THY1: variants seen among roughly 807,000 people sequenced by gnomAD.
The protein encoded by THY1 is thy-1 membrane glycoprotein.
A neutral mutation model predicts 14.9 loss-of-function variants in THY1; 10 were observed. That is an observed-to-expected ratio of 0.67 (90% CI 0.41 to 1.14). The LOEUF is 1.14. Among genes scored for constraint, THY1 ranks in the 50% most tolerant of loss-of-function variants. The pLI, the probability that THY1 is intolerant of heterozygous loss-of-function variation, is 0.00. For missense variants in THY1, 159 were observed against 202.1 expected (o/e 0.79, Z 1.29); for synonymous variants, 80 against 90.0 (o/e 0.89, Z 0.63).
Position 119,422,685 on chromosome 11 carries a change from C to G in THY1, c.-25+428G>C, listed in dbSNP as rs1357442389. On this transcript the variant is annotated intron_variant, in intron 1 of 3. Coordinates refer to ENST00000284240, the MANE Select transcript of THY1 (RefSeq NM_006288.5). The surrounding 1 kb of genome is among the most constrained non-coding windows in gnomAD (Gnocchi z 7.0). ...TCTCCTCCGGTGCCCCGCACCCAGC[C>G]CGCCGCGAGGTCACCCGGCAGATTC... 1 of 230,310 alleles carries G rather than the reference C, an allele frequency of 4.3e-6. No individual in the cohort carries two copies. The highest frequency in any genetic ancestry group is 8.6e-6 in the Non-Finnish European group (1 of 115,962). The allele number at this position is 230,310 out of a possible 1,614,324, so 14.3% of individuals were successfully genotyped here. A position where few individuals can be genotyped will look rare whatever the true frequency, so the allele number is the denominator to read the frequency against.
At position 119,415,638 on chromosome 11, in the gene THY1, T is replaced by C. The variant is rs1565324646; in HGVS notation, c.*3770A>G. Among the ~76,000 whole-genome samples the C allele has an allele frequency of 6.6e-6, 1 of 152,192 alleles. No homozygotes were observed. Among genetic ancestry groups the C allele is most frequent in the Non-Finnish European group, 1.5e-5 (1 of 68,044 alleles). The stretch of plus-strand genomic sequence containing the variant: ...ACTTGGCCTCCATGAAGCTGCCACA[T>C]TGGTCCTACCCACCCTCCATATGAT... On this transcript the variant is annotated 3_prime_UTR_variant, in exon 4 of 4. Transcript: ENST00000284240.
At position 119,417,946 on chromosome 11, in the gene THY1, C is replaced by G. The variant is rs1039062396; in HGVS notation, c.*1462G>C. ...AGCATGTTGTTCCAGCCAGGTGAGTCAGCAGACATGGGATGTTCGTTTATT... is the reference window on the plus strand; with the variant it reads ...AGCATGTTGTTCCAGCCAGGTGAGTGAGCAGACATGGGATGTTCGTTTATT... On this transcript the variant is annotated 3_prime_UTR_variant, in exon 4 of 4. Coordinates refer to ENST00000284240, the MANE Select transcript of THY1 (RefSeq NM_006288.5). 1 of 152,356 alleles carries G rather than the reference C, an allele frequency of 6.6e-6. No individual in the cohort carries two copies. The allele number at this position is 152,356 out of a possible 1,614,324, so 9.4% of individuals were successfully genotyped here. A position where few individuals can be genotyped will look rare whatever the true frequency, so the allele number is the denominator to read the frequency against.
chr11:119,423,432 C>T (rs3862600), upstream of THY1: 5,480 of 354,106 alleles, frequency 0.015, 267 homozygotes, highest in African/African-American at 0.11. Context: ...TGCGGCAGCC[C>T]AAAGAACATT....
chr11:119,420,891 G>A lies in THY1; in HGVS notation c.15C>T (p.Ile5=), dbSNP rs765809482. The A allele has an allele frequency of 6.2e-7, 1 of 1,614,178 alleles. No homozygotes were observed. Among genetic ancestry groups the A allele is most frequent in the Non-Finnish European group, 8.5e-7 (1 of 1,180,024 alleles). The part of the protein sequence containing the change: MNLA[I]SIALLLTVLQ... ...TACCTGTTAGCAGGAGAGCGATGCTGATGGCCAGGTTCATGGTTCTGGGAT... is the reference window on the plus strand; with the variant it reads ...TACCTGTTAGCAGGAGAGCGATGCTAATGGCCAGGTTCATGGTTCTGGGAT... Residue 5 remains isoleucine, a synonymous_variant, in exon 2 of 4, where the codon ATC becomes ATT. Transcript: ENST00000284240.
At chr11:119,424,115 C>G (rs1861972605), upstream of THY1, 1 of 152,234 alleles carries the variant, frequency 6.6e-6, no homozygotes, top group South Asian at 2.1e-4. Context: ...TCCTCTTGCT[C>G]ATCCCTGCCT....
At chr11:119,421,056 G>A (rs563234234) in intron 1 of THY1, 127 bp from the exon 2 acceptor site, 10 of 777,808 alleles carry the variant, frequency 1.3e-5, no homozygotes, top group African/African-American at 6.9e-5. Flanking sequence ...TCCCCCTCTC[G>A]TCCCTGCATC....
chr11:119,419,816 G>A, intron 3 of THY1: 1 of 611,948 alleles, frequency 1.6e-6, no homozygotes, highest in East Asian at 2.8e-5. Context: ...AGATTAGGGA[G>A]GCCAAAGGCC....
upstream of THY1, chr11:119,423,855 T>C (rs56178844): frequency 2.0e-5 from 3 of 152,822 alleles, no homozygotes; most frequent in Non-Finnish European, 4.4e-5. Context: ...TGGCACCTTC[T>C]GGTCCAGACA....
At chr11:119,420,643 T>C (rs578054857) in intron 2 of THY1, 12 of 647,846 alleles carry the variant, frequency 1.9e-5, no homozygotes, top group Admixed American at 8.7e-5. Flanking sequence ...GGGTTCTCAG[T>C]TGGGGATTCT....
intron 1 of THY1, chr11:119,421,607 C>A (rs1226983748): frequency 6.6e-6 from 1 of 152,158 alleles, no homozygotes; most frequent in African/African-American, 2.4e-5. Context: ...TCTTACATAC[C>A]CACCGGGTTA....
chr11:119,420,993 C>A, intron 1 of THY1, 64 bp from the exon 2 acceptor site: 1 of 1,511,272 alleles, frequency 6.6e-7, no homozygotes, highest in Non-Finnish European at 9.2e-7. Flanking sequence ...GGCTGGGGGT[C>A]CCTGGGAACA....
intron 2 of THY1, 116 bp downstream of exon 2, chr11:119,420,751 GAA>G: frequency 1.5e-6 from 2 of 1,296,024 alleles, no homozygotes; most frequent in Non-Finnish European, 2.2e-6. Flanking sequence ...ACTTCAGGAT[GAA>G]AAAGAGCCCT....
Position 119,423,098 on chromosome 11 carries a change from G to T in THY1, c.-25+15C>A, listed in dbSNP as rs1473596288. ...CGGTCCCCGAGCCCCAGGTCCCACC[G>T]GCTCCAGTTCCCACCTGGACTGGGG... is the stretch of plus-strand genomic sequence containing the variant. On this transcript the variant is annotated intron_variant, in intron 1 of 3. Coordinates refer to ENST00000284240, the MANE Select transcript of THY1 (RefSeq NM_006288.5). The T allele has an allele frequency of 2.2e-6, 1 of 456,082 alleles. No individual in the cohort carries two copies. Among genetic ancestry groups the T allele is most frequent in the Middle Eastern group, 3.3e-4 (1 of 3,066 alleles). 28.3% of individuals were successfully genotyped at this position (456,082 alleles called of 1,614,324 possible).
Position 119,418,946 on chromosome 11 carries a change from G to T in THY1, c.*462C>A. On this transcript the variant is annotated 3_prime_UTR_variant, in exon 4 of 4. Coordinates refer to ENST00000284240, the MANE Select transcript of THY1 (RefSeq NM_006288.5). Reference sequence around the variant, plus strand: ...CATGCCTGCCGAGGAGTGCTGTCAGGACAGACCATGTCCGTGCTAGGCCCA... The same window carrying T: ...CATGCCTGCCGAGGAGTGCTGTCAGTACAGACCATGTCCGTGCTAGGCCCA... 3.8e-6 allele frequency: 1 copy of T among 264,252 alleles called. No homozygotes were observed. Among genetic ancestry groups the T allele is most frequent in the Non-Finnish European group, 7.5e-6 (1 of 133,864 alleles). The allele number at this position is 264,252 out of a possible 1,614,324, so 16.4% of individuals were successfully genotyped here.
In THY1 at chr11:119,416,811, G is replaced by A. The variant is rs1003142428; in HGVS notation, c.*2597C>T. 2.6e-5 allele frequency among the ~76,000 whole-genome samples: 4 copies of A among 152,164 alleles called. No homozygotes were observed. Among genetic ancestry groups the A allele is most frequent in the African/African-American group, 9.7e-5 (4 of 41,440 alleles). On this transcript the variant is annotated 3_prime_UTR_variant, in exon 4 of 4. Coordinates refer to ENST00000284240, the MANE Select transcript of THY1 (RefSeq NM_006288.5). ...GCCCTGTTCTTCTCTTCTCCTTTCC[G>A]AAGTCCGTGGCCCTCTGGTGGCCTC...
At chr11:119,419,860 G>T in intron 3 of THY1, 191 bp downstream of exon 3, 1 of 675,934 alleles carries the variant, frequency 1.5e-6, no homozygotes, top group Non-Finnish European at 2.5e-6. Flanking sequence ...ACACTGCTCT[G>T]CCTGTCTGGC....
intron 1 of THY1, 151 bp from the exon 2 acceptor site, chr11:119,421,080 TACTGCC>T: frequency 6.4e-6 from 4 of 624,220 alleles, no homozygotes; most frequent in Non-Finnish European, 1.1e-5. Flanking sequence ...CTGAACATGA[TACTGCC>T]ACTGGCTCTT....
upstream of THY1, chr11:119,424,221 G>A (rs1473822566): frequency 6.6e-6 from 1 of 152,262 alleles, no homozygotes; most frequent in East Asian, 1.9e-4. Flanking sequence ...GGGCACTCCT[G>A]ATAACCCACC....
chr11:119,420,005 G>C, intron 3 of THY1, 46 bp downstream of exon 3: 1 of 1,571,164 alleles, frequency 6.4e-7, no homozygotes, highest in Non-Finnish European at 8.7e-7. Context: ...CTGTCCCCGA[G>C]CCTGGCTCTC....
Sources: allele counts gnomAD v4.1 joint callset (sites outside exome capture counted in the v4.1 genomes callset), GRCh38; gene constraint gnomAD v4.1.1; non-coding constraint Gnocchi (gnomAD v3.1); transcripts MANE v1.5; gene names NCBI Gene and HGNC (gene_info 2026-07-23, HGNC 2026-07-21).